OPCML: variants seen among roughly 807,000 people sequenced by gnomAD.
OPCML encodes the protein opioid binding protein/cell adhesion molecule like.
OPCML carries 13 observed loss-of-function variants against 37.8 expected under a neutral mutation model. The observed-to-expected ratio is 0.34, with a 90% CI of 0.22 to 0.55. The LOEUF (loss-of-function observed/expected upper bound fraction) is 0.55, where lower values mean the gene tolerates loss of function less well. Ranked by LOEUF, OPCML falls within the 20% of genes least tolerant of loss-of-function variation. The probability of loss-of-function intolerance (pLI) is 0.91; values close to 1 mark genes in which losing one functional copy is unlikely to be tolerated. For missense variants in OPCML, 341 were observed against 435.6 expected (o/e 0.78, Z 1.93); for synonymous variants, 176 against 168.8 (o/e 1.04, Z -0.33).
chr11:132,675,112 C>T (rs1212557424), intron 2 of OPCML, among the ~76,000 whole-genome samples: 5 of 150,690 alleles, frequency 3.3e-5, no homozygotes, highest in Non-Finnish European at 7.4e-5. Flanking sequence ...TTCAGTGGTT[C>T]GGATTTTGCC....
chr11:132,758,235 C>A (rs149187851), intron 2 of OPCML, among the ~76,000 whole-genome samples: 1,606 of 152,244 alleles, frequency 0.011, 13 homozygotes, highest in Middle Eastern at 0.031. Context: ...AGTCAGGTAA[C>A]GTGATGCCTC....
intron 2 of OPCML, among the ~76,000 whole-genome samples, chr11:132,900,486 C>T (rs867313436): frequency 1.3e-5 from 2 of 152,210 alleles, no homozygotes; most frequent in African/African-American, 4.8e-5. Context: ...ATACGCATTT[C>T]TTCCCATTGC....
chr11:132,745,398 T>A (rs189447142), intron 2 of OPCML, among the ~76,000 whole-genome samples: 1 of 152,166 alleles, frequency 6.6e-6, no homozygotes, highest in East Asian at 1.9e-4. Context: ...AGGGAAACTT[T>A]GAGAATGAGA....
At chr11:132,960,963 C>T (rs915199220) in intron 1 of OPCML, among the ~76,000 whole-genome samples, 19 of 152,232 alleles carry the variant, frequency 1.2e-4, no homozygotes, top group Admixed American at 2.6e-4. Flanking sequence ...GCAGCAGGTG[C>T]GGCGATGAAC....
In OPCML at chr11:132,932,415, G is replaced by A. The variant is rs538668950; in HGVS notation, c.146+10511C>T. Among the ~76,000 whole-genome samples, 175 of 152,168 alleles carry A rather than the reference G, an allele frequency of 1.2e-3. 1 individual carries two copies. Among genetic ancestry groups the A allele is most frequent in the Non-Finnish European group, 1.9e-3 (129 of 68,012 alleles). On this transcript the variant is annotated intron_variant, in intron 2 of 7. Transcript: ENST00000524381. ...GGTGGCTACATGGGTAAATATATGC[G>A]TCCAAGTATACTGATGTGAACCCTA...
At chr11:133,272,191 G>A (rs1454325316) in intron 1 of OPCML, among the ~76,000 whole-genome samples, 1 of 151,290 alleles carries the variant, frequency 6.6e-6, no homozygotes, top group East Asian at 1.9e-4. Context: ...TGATAGTTAG[G>A]GTTAGTAATA....
At chr11:133,164,546 G>A (rs1950184394) in intron 1 of OPCML, among the ~76,000 whole-genome samples, 1 of 152,196 alleles carries the variant, frequency 6.6e-6, no homozygotes, top group Non-Finnish European at 1.5e-5. Flanking sequence ...GAGACCGCAG[G>A]TAAGAGGATT....
chr11:133,324,670 T>A (rs1943408459), intron 1 of OPCML, among the ~76,000 whole-genome samples: 1 of 152,184 alleles, frequency 6.6e-6, no homozygotes, highest in Non-Finnish European at 1.5e-5. Flanking sequence ...CAGGCCTTGT[T>A]CCTCTGCTAT....
chr11:132,570,754 A>ATTATAT (rs2096435263), intron 3 of OPCML, among the ~76,000 whole-genome samples: 1 of 52,552 alleles, frequency 1.9e-5, no homozygotes, highest in Non-Finnish European at 3.8e-5. Context: ...CAGGAAAGAG[A>ATTATAT]GTATATATAT....
intron 7 of OPCML, among the ~76,000 whole-genome samples, chr11:132,428,612 A>G (rs1592159412): frequency 1.3e-5 from 2 of 152,298 alleles, no homozygotes; most frequent in African/African-American, 4.8e-5. Context: ...CCTCCAGCAC[A>G]CTGGGAGACA....
intron 1 of OPCML, among the ~76,000 whole-genome samples, chr11:133,028,031 C>T (rs1424859590): frequency 6.6e-6 from 1 of 151,972 alleles, no homozygotes; most frequent in Non-Finnish European, 1.5e-5. Flanking sequence ...TGGTTAGCCT[C>T]TCTTTCAGGT....
At chr11:133,531,267 C>A (rs1029773052) in intron 1 of OPCML, among the ~76,000 whole-genome samples, 1 of 152,168 alleles carries the variant, frequency 6.6e-6, no homozygotes, top group African/African-American at 2.4e-5. Context: ...TATTAAGATG[C>A]CTTCAATTTT....
chr11:133,367,147 T>A (rs1401328161), intron 1 of OPCML, among the ~76,000 whole-genome samples: 2 of 152,160 alleles, frequency 1.3e-5, no homozygotes, highest in African/African-American at 2.4e-5. Flanking sequence ...CCCAGCTAAC[T>A]TTTTTATTTC....
intron 2 of OPCML, among the ~76,000 whole-genome samples, chr11:132,811,550 T>C (rs772634590): frequency 6.6e-6 from 1 of 152,202 alleles, no homozygotes; most frequent in Non-Finnish European, 1.5e-5. Context: ...TCAACACCTC[T>C]TTCTTTCGGT....
At chr11:133,499,953 C>A (rs1341460256) in intron 1 of OPCML, among the ~76,000 whole-genome samples, 7 of 146,442 alleles carry the variant, frequency 4.8e-5, no homozygotes, top group Non-Finnish European at 1.1e-4. Context: ...CTCACTGCAA[C>A]CTCCGCCCCC....
chr11:133,046,209 ACCATAC>A (rs1437925135), intron 1 of OPCML, among the ~76,000 whole-genome samples: 4 of 152,200 alleles, frequency 2.6e-5, no homozygotes, highest in African/African-American at 9.7e-5. Flanking sequence ...GGAGGAGAAC[ACCATAC>A]CTACTTTGTA....
At chr11:133,031,144 C>A (rs1164720167) in intron 1 of OPCML, among the ~76,000 whole-genome samples, 1 of 152,128 alleles carries the variant, frequency 6.6e-6, no homozygotes, top group African/African-American at 2.4e-5. Context: ...CAAAAAGTAC[C>A]TCTTCAAGAG....
At chr11:133,233,095 G>A (rs535509537) in intron 1 of OPCML, among the ~76,000 whole-genome samples, 1 of 152,222 alleles carries the variant, frequency 6.6e-6, no homozygotes, top group East Asian at 1.9e-4. Flanking sequence ...ATGCTATCCT[G>A]GACATGTAGC....
intron 2 of OPCML, among the ~76,000 whole-genome samples, chr11:132,833,203 A>G (rs1478549075): frequency 6.6e-6 from 1 of 152,302 alleles, no homozygotes; most frequent in East Asian, 1.9e-4. Context: ...AAATTTGTAC[A>G]TCACAGCTGT....
Sources: gnomAD v4.1 joint callset for allele counts (sites outside exome capture counted in the v4.1 genomes callset) on GRCh38, gnomAD v4.1.1 for gene constraint, MANE v1.5 for transcripts, NCBI Gene and HGNC (gene_info 2026-07-23, HGNC 2026-07-21) for gene names.